The following ANXA13 variants were observed in gnomAD, a reference collection of about 807,000 sequenced individuals.
ANXA13 encodes annexin XIII.
In ANXA13, 36 loss-of-function variants were observed where a neutral mutation model predicts 46.6. The ratio of observed to expected loss-of-function variants is 0.77; its 90% CI spans 0.59 to 1.02. ANXA13 has a LOEUF of 1.02. Ranked by LOEUF, ANXA13 falls within the 50% of genes least tolerant of loss-of-function variation. ANXA13 has a pLI of 0.00. For synonymous variants in ANXA13, 163 were observed against 152.9 expected, an observed-to-expected ratio of 1.07 and a Z score of -0.49; for missense variants, 417 against 396.5, an observed-to-expected ratio of 1.05 and a Z score of -0.44.
intron 1 of ANXA13, among the ~76,000 whole-genome samples, chr8:123,729,909 C>T (rs1270050505): frequency 6.6e-6 from 1 of 152,140 alleles, no homozygotes; most frequent in Non-Finnish European, 1.5e-5. Context: ...CTATAGATCC[C>T]CAAACCAAAT....
Position 123,681,281 on chromosome 8 carries a change from A to C in ANXA13, c.910T>G (p.Ser304Ala). 2 of 1,614,170 alleles carry C rather than the reference A, an allele frequency of 1.2e-6. No individual in the cohort carries two copies. The highest frequency in any genetic ancestry group is 8.5e-7 in the Non-Finnish European group (1 of 1,180,004). Reference sequence around the variant, plus strand: ...ACTAGCAGTTTCCGGAAGTCCCCGGAGGTATCTGAGCGAACCATGTCAGAG... The same window carrying C: ...ACTAGCAGTTTCCGGAAGTCCCCGGCGGTATCTGAGCGAACCATGTCAGAG... The part of the protein sequence containing the change: ...SLSDMVRSDT[S>A]GDFRKLLVAL... The change falls in exon 11 of 11, where the codon TCC (serine) becomes GCC (alanine). Residue 304 changes from serine to alanine, a missense_variant. Transcript: ENST00000419625.
At chr8:123,684,782 G>A (rs755427431) in intron 9 of ANXA13, 60 bp from the exon 10 acceptor site, 44 of 1,311,876 alleles carry the variant, frequency 3.4e-5, no homozygotes, top group Non-Finnish European at 4.9e-5. Context: ...ATGACCTTGG[G>A]ACCCCCCTAA....
At chr8:123,691,511 C>T (rs1563605997) in intron 8 of ANXA13, among the ~76,000 whole-genome samples, 2 of 152,192 alleles carry the variant, frequency 1.3e-5, no homozygotes, top group Admixed American at 6.5e-5. Context: ...CATTGAACGC[C>T]TACTGCATGC....
intron 1 of ANXA13, among the ~76,000 whole-genome samples, chr8:123,733,156 C>T (rs1586345133): frequency 6.6e-6 from 1 of 151,702 alleles, no homozygotes; most frequent in Non-Finnish European, 1.5e-5. Context: ...GAGCAAGACC[C>T]TGTCTCAAAA....
At chr8:123,711,111 C>T (rs1030071073) in intron 2 of ANXA13, among the ~76,000 whole-genome samples, 3 of 152,134 alleles carry the variant, frequency 2.0e-5, no homozygotes, top group East Asian at 3.9e-4. Flanking sequence ...TTCTGTTGGT[C>T]GTCTCCCCCT....
chr8:123,724,110 A>G (rs1813937055), intron 1 of ANXA13, among the ~76,000 whole-genome samples: 1 of 152,184 alleles, frequency 6.6e-6, no homozygotes, highest in Non-Finnish European at 1.5e-5. Context: ...TGAAGCAGAG[A>G]GAATGAAAAG....
chr8:123,696,374 C>G (rs879348087), intron 4 of ANXA13, among the ~76,000 whole-genome samples: 8 of 152,322 alleles, frequency 5.3e-5, no homozygotes, highest in East Asian at 1.9e-4. Context: ...AGTTTTCTCT[C>G]CTTCAAACAA....
intron 1 of ANXA13, among the ~76,000 whole-genome samples, chr8:123,730,341 C>T (rs185190043): frequency 3.3e-5 from 5 of 152,254 alleles, no homozygotes; most frequent in Non-Finnish European, 5.9e-5. Context: ...CCAACATCAC[C>T]AGGGAACTCA....
At chr8:123,729,474 G>A (rs1271729760) in intron 1 of ANXA13, among the ~76,000 whole-genome samples, 1 of 152,152 alleles carries the variant, frequency 6.6e-6, no homozygotes, top group Non-Finnish European at 1.5e-5. Context: ...GAGATAGAAA[G>A]GGATGTCTGC....
At position 123,712,745 on chromosome 8, in the gene ANXA13, C is replaced by T. The variant is rs772388067; in HGVS notation, c.24G>A (p.Ala8=). 41 of 1,614,014 alleles carry T rather than the reference C, an allele frequency of 2.5e-5. No individual in the cohort carries two copies. In the South Asian group the frequency reaches 4.2e-4, roughly 16 times the overall value. ...CCACATCAAAACCCTGAGGACTGCT[C>T]GCTTTAGCCTGGAGAAAATAATTGA... The part of the protein sequence containing the change: MGNRHAK[A]SSPQGFDVDR... Residue 8 remains alanine, a synonymous_variant, in exon 2 of 11, where the codon GCG becomes GCA. Transcript: ENST00000419625.
At chr8:123,682,738 G>A (rs1813062309) in intron 10 of ANXA13, among the ~76,000 whole-genome samples, 1 of 143,088 alleles carries the variant, frequency 7.0e-6, no homozygotes, top group South Asian at 2.5e-4. Flanking sequence ...GGTGGGTAGG[G>A]ATGGGGTGCA....
intron 10 of ANXA13, among the ~76,000 whole-genome samples, chr8:123,684,052 G>A (rs1057004465): frequency 6.6e-6 from 1 of 152,196 alleles, no homozygotes; most frequent in African/African-American, 2.4e-5. Flanking sequence ...TATATAAACA[G>A]ATTTGTAGTA....
chr8:123,711,196 G>A (rs914854406), intron 2 of ANXA13, among the ~76,000 whole-genome samples: 3 of 152,162 alleles, frequency 2.0e-5, no homozygotes. Flanking sequence ...CTCTTTAGCA[G>A]ACAACCTCAC....
intron 1 of ANXA13, among the ~76,000 whole-genome samples, chr8:123,723,318 AC>A (rs1813921616): frequency 6.6e-6 from 1 of 152,232 alleles, no homozygotes; most frequent in Admixed American, 6.5e-5. Flanking sequence ...GAATGTTTCT[AC>A]TTAAGCAAAT....
At chr8:123,686,932 G>A (rs1045929983) in intron 9 of ANXA13, among the ~76,000 whole-genome samples, 13 of 152,042 alleles carry the variant, frequency 8.6e-5, no homozygotes, top group East Asian at 3.9e-4. Flanking sequence ...ACTTTTTTTC[G>A]CTACCACTGG....
intron 2 of ANXA13, among the ~76,000 whole-genome samples, chr8:123,703,946 A>C (rs764770051): frequency 6.6e-6 from 1 of 152,214 alleles, no homozygotes; most frequent in Non-Finnish European, 1.5e-5. Flanking sequence ...GTTGGACTCA[A>C]ATCACAGCTC....
intron 6 of ANXA13, 123 bp downstream of exon 6, chr8:123,695,379 C>A: frequency 1.3e-6 from 1 of 756,926 alleles, no homozygotes; most frequent in Non-Finnish European, 2.2e-6. Context: ...TTGATAATCC[C>A]TTGATAATAT....
Position 123,730,480 on chromosome 8 carries a change from T to C in ANXA13, c.15+6840A>G, listed in dbSNP as rs78105688. On this transcript the variant is annotated intron_variant, in intron 1 of 10. Coordinates refer to ENST00000419625, the MANE Select transcript of ANXA13 (RefSeq NM_004306.4). ...CTGAAGTTTAAAATCACTGCTGGCC[T>C]AAGGAAATAAAATCTAATTTCCTTA... Among the ~76,000 whole-genome samples the C allele has an allele frequency of 8.6e-3, 1,307 of 152,256 alleles. 16 individuals carry two copies. The highest frequency in any genetic ancestry group is 0.03 in the African/African-American group (1,248 of 41,536).
intron 1 of ANXA13, chr8:123,735,655 T>C: frequency 7.5e-7 from 1 of 1,341,122 alleles, no homozygotes; most frequent in Non-Finnish European, 9.8e-7. Flanking sequence ...GGCTGGTGGC[T>C]GGTGGAGGGT....
Sources: allele counts gnomAD v4.1 joint callset (sites outside exome capture counted in the v4.1 genomes callset), GRCh38; gene constraint gnomAD v4.1.1; transcripts MANE v1.5; gene names NCBI Gene and HGNC (gene_info 2026-07-23, HGNC 2026-07-21).